DLGAP2: variants seen among roughly 807,000 people sequenced by gnomAD.
DLGAP2 encodes the protein DLG associated protein 2.
A neutral mutation model predicts 100.3 loss-of-function variants in DLGAP2; 26 were observed. That is an observed-to-expected ratio of 0.26 (90% CI 0.19 to 0.36). The LOEUF is 0.36. DLGAP2 is among the 10% of genes least tolerant of loss of function. The pLI is 1.00. For missense variants in DLGAP2, 1,858 were observed against 1,453.2 expected (o/e 1.28, Z -4.53); for synonymous variants, 886 against 630.1 (o/e 1.41, Z -6.08).
intron 1 of DLGAP2, among the ~76,000 whole-genome samples, chr8:852,884 C>T (rs552428181): frequency 5.3e-5 from 8 of 151,690 alleles, no homozygotes; most frequent in Non-Finnish European, 1.2e-4. Flanking sequence ...TTTATGGATC[C>T]CCTGGCCGAT....
At chr8:1,264,940 A>G (rs56010431) in intron 3 of DLGAP2, among the ~76,000 whole-genome samples, 36,103 of 152,108 alleles carry the variant, frequency 0.24, 4,323 homozygotes, top group Admixed American at 0.27. Flanking sequence ...GTTCCCCTGC[A>G]CATGGTCTCT....
At chr8:1,433,178 G>C (rs887291514) in intron 3 of DLGAP2, among the ~76,000 whole-genome samples, 1 of 152,206 alleles carries the variant, frequency 6.6e-6, no homozygotes, top group Non-Finnish European at 1.5e-5. Flanking sequence ...GGAACGTGCG[G>C]GACTTGGGTT....
At chr8:1,696,966 A>T (rs1799413391) in intron 13 of DLGAP2, among the ~76,000 whole-genome samples, 181 bp from the exon 14 acceptor site, 1 of 152,218 alleles carries the variant, frequency 6.6e-6, no homozygotes, top group Non-Finnish European at 1.5e-5. Context: ...GACAGCAAAT[A>T]CGTGTGCTAA....
intron 1 of DLGAP2, among the ~76,000 whole-genome samples, chr8:812,174 C>G (rs1244493162): frequency 6.6e-6 from 1 of 152,182 alleles, no homozygotes; most frequent in Admixed American, 6.5e-5. Context: ...AGTCTGAAAT[C>G]TGCAGGGTGG....
intron 2 of DLGAP2, among the ~76,000 whole-genome samples, chr8:1,206,854 C>G (rs977724171): frequency 2.1e-4 from 32 of 152,212 alleles, no homozygotes; most frequent in African/African-American, 7.7e-4. Flanking sequence ...GCAAGGTTTT[C>G]CTATGTCAGC....
chr8:753,623 A>T (rs1820848280), intron 1 of DLGAP2: 1 of 152,098 alleles, frequency 6.6e-6, no homozygotes, highest in Non-Finnish European at 1.5e-5. Flanking sequence ...GAGAGGGAGG[A>T]AGTAGTTGGT....
chr8:960,237 C>CTTTTT lies in DLGAP2; in HGVS notation c.73+52282_73+52286dup, dbSNP rs71528625. Among the ~76,000 whole-genome samples, 212 of 44,650 alleles carry CTTTTT rather than the reference C, an allele frequency of 4.7e-3. 41 individuals carry two copies. The highest frequency in any genetic ancestry group is 0.019 in the East Asian group (25 of 1,290). 29.3% of individuals were successfully genotyped at this position (44,650 alleles called of 152,430 possible). ...TTGGGCAATTATTCCTGAAGTATAT[C>CTTTTT]TTTTTTTTTTTTTTTCCCGAGACAC... On this transcript the variant is annotated intron_variant, in intron 2 of 14. Coordinates refer to ENST00000637795, the MANE Select transcript of DLGAP2 (RefSeq NM_001346810.2).
In DLGAP2 at chr8:766,705, G is replaced by C. The variant is rs746232532; in HGVS notation, c.18+28880G>C. Among the ~76,000 whole-genome samples the C allele has an allele frequency of 3.6e-4, 55 of 152,280 alleles. 1 individual carries two copies. The highest frequency in any genetic ancestry group is 1.2e-3 in the South Asian group (6 of 4,826). Reference sequence around the variant, plus strand: ...GATGGTTTTCATTCTTTGAAAAGCAGCTTTTGTTTTACCAGAGTCAATCAC... The same window carrying C: ...GATGGTTTTCATTCTTTGAAAAGCACCTTTTGTTTTACCAGAGTCAATCAC... On this transcript the variant is annotated intron_variant, in intron 1 of 14. Coordinates refer to ENST00000637795, the MANE Select transcript of DLGAP2 (RefSeq NM_001346810.2).
At chr8:1,356,761 G>C (rs766677251) in intron 3 of DLGAP2, among the ~76,000 whole-genome samples, 1 of 152,242 alleles carries the variant, frequency 6.6e-6, no homozygotes, top group Admixed American at 6.5e-5. Flanking sequence ...AAAACAGACA[G>C]TGGGATATGG....
At chr8:976,655 A>G (rs1428204610) in intron 2 of DLGAP2, among the ~76,000 whole-genome samples, 1 of 152,192 alleles carries the variant, frequency 6.6e-6, no homozygotes, top group Non-Finnish European at 1.5e-5. Flanking sequence ...AAATAGGGCC[A>G]ACCAATCTTT....
intron 7 of DLGAP2, among the ~76,000 whole-genome samples, chr8:1,628,543 T>G (rs1260120533): frequency 6.6e-6 from 1 of 151,180 alleles, no homozygotes; most frequent in Admixed American, 6.6e-5. Context: ...ACATTCTGTC[T>G]GACTTACTGT....
At chr8:1,243,211 T>C (rs1353611109) in intron 2 of DLGAP2, among the ~76,000 whole-genome samples, 1 of 152,190 alleles carries the variant, frequency 6.6e-6, no homozygotes, top group Non-Finnish European at 1.5e-5. Flanking sequence ...AGGACCCGCC[T>C]GGCCTTCAGA....
intron 3 of DLGAP2, among the ~76,000 whole-genome samples, chr8:1,354,445 A>G (rs1403902122): frequency 3.3e-5 from 5 of 152,220 alleles, no homozygotes; most frequent in Non-Finnish European, 5.9e-5. Flanking sequence ...CTCGGGAGGC[A>G]CAGGTTACAG....
At chr8:815,352 T>G (rs556567659) in intron 1 of DLGAP2, among the ~76,000 whole-genome samples, 1 of 152,300 alleles carries the variant, frequency 6.6e-6, no homozygotes, top group South Asian at 2.1e-4. Flanking sequence ...TAGGAGGGCC[T>G]TAGCCCATCT....
At chr8:1,281,750 C>T (rs573114892) in intron 3 of DLGAP2, among the ~76,000 whole-genome samples, 25 of 152,192 alleles carry the variant, frequency 1.6e-4, no homozygotes, top group Non-Finnish European at 2.8e-4. Flanking sequence ...AAGCCTTCCC[C>T]GGGGAGTCAG....
At chr8:1,351,013 T>C (rs796331705) in intron 3 of DLGAP2, among the ~76,000 whole-genome samples, 82 of 47,498 alleles carry the variant, frequency 1.7e-3, no homozygotes, top group East Asian at 5.7e-3. Context: ...CCTGACTGTG[T>C]GTGGAACGGC....
At chr8:1,494,958 TA>T in intron 3 of DLGAP2, among the ~76,000 whole-genome samples, 1 of 152,306 alleles carries the variant, frequency 6.6e-6, no homozygotes, top group East Asian at 1.9e-4. Context: ...GACAGAGTGG[TA>T]GGGTGTTAGA....
At chr8:1,102,956 G>GT (rs1248208471) in intron 2 of DLGAP2, among the ~76,000 whole-genome samples, 1 of 151,800 alleles carries the variant, frequency 6.6e-6, no homozygotes, top group Admixed American at 6.6e-5. Flanking sequence ...GGTCTCTGTG[G>GT]TTTTCCGGGG....
At chr8:860,818 G>A (rs1337761025) in intron 1 of DLGAP2, among the ~76,000 whole-genome samples, 1 of 152,156 alleles carries the variant, frequency 6.6e-6, no homozygotes, top group African/African-American at 2.4e-5. Flanking sequence ...GAGAAAGACG[G>A]AGAAGAAGCA....
Sources: allele counts gnomAD v4.1 joint callset (sites outside exome capture counted in the v4.1 genomes callset), GRCh38; gene constraint gnomAD v4.1.1; transcripts MANE v1.5; gene names NCBI Gene and HGNC (gene_info 2026-07-23, HGNC 2026-07-21).